KDM2B: variants seen among roughly 807,000 people sequenced by gnomAD.
KDM2B encodes the protein lysine demethylase 2B, also known as lysine-specific demethylase 2B.
In KDM2B, 26 loss-of-function variants were observed where a neutral mutation model predicts 150.0. The ratio of observed to expected loss-of-function variants is 0.17; its 90% CI spans 0.13 to 0.24. The LOEUF is 0.24. Ranked by LOEUF, KDM2B falls within the 10% of genes least tolerant of loss-of-function variation. The pLI is 1.00. For missense variants in KDM2B, 1,265 were observed against 1,816.9 expected (o/e 0.70, Z 5.52); for synonymous variants, 734 against 729.5 (o/e 1.01, Z -0.10).
the KDM2B span, chr12:121,409,914 G>A: frequency 6.6e-6 from 1 of 152,320 alleles, no homozygotes; most frequent in Non-Finnish European, 1.5e-5. Context: ...CCAGCACTTT[G>A]GGAAGCCGAG....
At chr12:121,445,011 C>T (rs1343953671) in intron 14 of KDM2B, 2 of 479,060 alleles carry the variant, frequency 4.2e-6, no homozygotes, top group Non-Finnish European at 7.5e-6. Flanking sequence ...CCTGTGTTTG[C>T]CATCTGCTGA....
In KDM2B at chr12:121,554,033, C is replaced by CCACACAAACA. The variant is rs1491387029; in HGVS notation, c.398-4396_398-4395insTGTTTGTGTG. The stretch of plus-strand genomic sequence containing the variant: ...TGGGTAATATAGTGACACCCCAGCT[C>CCACACAAACA]CACACACACACACACACACACACAC... On this transcript the variant is annotated intron_variant, in intron 4 of 22. Transcript: ENST00000377071. Among the ~76,000 whole-genome samples the CCACACAAACA allele has an allele frequency of 2.7e-4, 33 of 122,142 alleles. No homozygotes were observed. In the South Asian group the frequency reaches 5.3e-3, roughly 20 times the overall value. 80.1% of individuals were successfully genotyped at this position (122,142 alleles called of 152,430 possible). A position where few individuals can be genotyped will look rare whatever the true frequency, so the allele number is the denominator to read the frequency against.
At chr12:121,567,159 T>A (rs1395190937) in intron 4 of KDM2B, among the ~76,000 whole-genome samples, 1 of 152,180 alleles carries the variant, frequency 6.6e-6, no homozygotes, top group Admixed American at 6.5e-5. Flanking sequence ...AGTGCTGGGA[T>A]TACTGGCATG....
In KDM2B at chr12:121,429,605, T is replaced by C. The variant is rs1593691596; in HGVS notation, c.*683A>G. 1.1e-5 allele frequency: 2 copies of C among 188,484 alleles called. No homozygotes were observed. Among genetic ancestry groups the C allele is most frequent in the South Asian group, 1.5e-4 (1 of 6,892 alleles). 11.7% of individuals were successfully genotyped at this position (188,484 alleles called of 1,614,324 possible). On this transcript the variant is annotated 3_prime_UTR_variant, in exon 23 of 23. Transcript: ENST00000377071. ...AACTCTTGAGGTACAAAGCAGACTC[T>C]CAACTTCCAGTTAAACATGCTTTTA...
intron 11 of KDM2B, among the ~76,000 whole-genome samples, chr12:121,503,289 G>GTT (rs77145802): frequency 4.9e-5 from 7 of 142,242 alleles, no homozygotes; most frequent in Non-Finnish European, 4.7e-5. Flanking sequence ...GTGGTGTTTT[G>GTT]TTTTTTTTTT....
In KDM2B at chr12:121,510,428, C is replaced by A. The variant is rs115409572; in HGVS notation, c.1175-389G>T. On this transcript the variant is annotated intron_variant, in intron 10 of 22. Coordinates refer to ENST00000377071, the MANE Select transcript of KDM2B (RefSeq NM_032590.5). ...ACACTCAGCTAGTTTTTTTTTTAAG[C>A]TTTTTTTGTAGAGATGAGGTCTCGT... Among the ~76,000 whole-genome samples the A allele has an allele frequency of 7.0e-3, 1,060 of 152,108 alleles. 18 individuals carry two copies. Among genetic ancestry groups the A allele is most frequent in the African/African-American group, 0.024 (996 of 41,522 alleles).
rs1475098683 is a variant in KDM2B at position 121,579,728 on chromosome 12, C to T, written c.127-782G>A. The T allele has an allele frequency of 3.5e-6, 5 of 1,444,972 alleles. No homozygotes were observed. The African/African-American group carries it at 7.1e-5, about 20-fold the overall frequency. 89.5% of individuals were successfully genotyped at this position (1,444,972 alleles called of 1,614,324 possible). A position where few individuals can be genotyped will look rare whatever the true frequency, so the allele number is the denominator to read the frequency against. ...CTCCACCGCCCAGCGCCCGGCCCCT[C>T]AGCCCCCCAGATTCCGGGCGAACCC... On this transcript the variant is annotated intron_variant, in intron 1 of 22. Transcript: ENST00000377071.
rs1380853579 is a variant in KDM2B at position 121,521,132 on chromosome 12, C to T, written c.932-32G>A. ...TGGGAAGGGCAAGGAGAGGATGAGC[C>T]GCTGGCCCCTGTGGGCTCCCACACC... is the stretch of plus-strand genomic sequence containing the variant. On this transcript the variant is annotated intron_variant, in intron 8 of 22. Coordinates refer to ENST00000377071, the MANE Select transcript of KDM2B (RefSeq NM_032590.5). The surrounding 1 kb of genome is among the most constrained non-coding windows in gnomAD (Gnocchi z 4.9). 3.5e-5 allele frequency: 52 copies of T among 1,506,182 alleles called. No homozygotes were observed. The highest frequency in any genetic ancestry group is 4.2e-5 in the Non-Finnish European group (46 of 1,083,236). The allele number at this position is 1,506,182 out of a possible 1,614,324, so 93.3% of individuals were successfully genotyped here. A position where few individuals can be genotyped will look rare whatever the true frequency, so the allele number is the denominator to read the frequency against.
At chr12:121,416,224 T>G in the KDM2B span, 6 of 1,614,004 alleles carry the variant, frequency 3.7e-6, no homozygotes, top group African/African-American at 8.0e-5. Flanking sequence ...GAACTGGAGC[T>G]GTCAGGGGCC....
chr12:121,573,643 G>A (rs921496598), intron 4 of KDM2B, among the ~76,000 whole-genome samples: 1 of 149,458 alleles, frequency 6.7e-6, no homozygotes, highest in Non-Finnish European at 1.5e-5. Flanking sequence ...GGAGCGCAGT[G>A]GCGCCATCTC....
intron 11 of KDM2B, among the ~76,000 whole-genome samples, chr12:121,507,689 T>C (rs1885214176): frequency 6.6e-6 from 1 of 152,040 alleles, no homozygotes; most frequent in Non-Finnish European, 1.5e-5. Flanking sequence ...CAGAAATAGA[T>C]CACAGACACA....
At chr12:121,544,388 T>G (rs1555310288) in intron 6 of KDM2B, among the ~76,000 whole-genome samples, 1 of 152,054 alleles carries the variant, frequency 6.6e-6, no homozygotes, top group Non-Finnish European at 1.5e-5. Context: ...AGGCAGGTGA[T>G]CACCTGAGGT....
At position 121,429,942 on chromosome 12, in the gene KDM2B, T is replaced by C. The variant is rs978687290; in HGVS notation, c.*346A>G. ...AACCTCGGTGTTGCAAGGAATGAAG[T>C]GTCCAAAACACCACTACCACTAACA... is the stretch of plus-strand genomic sequence containing the variant. On this transcript the variant is annotated 3_prime_UTR_variant, in exon 23 of 23. Coordinates refer to ENST00000377071, the MANE Select transcript of KDM2B (RefSeq NM_032590.5). 1 of 646,502 alleles carries C rather than the reference T, an allele frequency of 1.5e-6. No individual in the cohort carries two copies. Among genetic ancestry groups the C allele is most frequent in the Non-Finnish European group, 2.8e-6 (1 of 359,482 alleles). 40.0% of individuals were successfully genotyped at this position (646,502 alleles called of 1,614,324 possible).
chr12:121,420,416 T>C, the KDM2B span: 1 of 1,551,538 alleles, frequency 6.4e-7, no homozygotes, highest in Non-Finnish European at 8.7e-7. Flanking sequence ...TTCGCTAGAT[T>C]AGTACAGGAT....
intron 4 of KDM2B, among the ~76,000 whole-genome samples, chr12:121,550,466 C>A (rs1889399944): frequency 6.6e-6 from 1 of 152,178 alleles, no homozygotes; most frequent in Non-Finnish European, 1.5e-5. Flanking sequence ...CCAAATCCAG[C>A]CTACGGCCTA....
At chr12:121,543,538 A>C (rs1555310066) in intron 6 of KDM2B, among the ~76,000 whole-genome samples, 1 of 151,868 alleles carries the variant, frequency 6.6e-6, no homozygotes, top group African/African-American at 2.4e-5. Flanking sequence ...AATTTTTAAA[A>C]AGATCAGCCG....
intron 8 of KDM2B, among the ~76,000 whole-genome samples, chr12:121,528,807 C>T (rs576844347): frequency 2.0e-5 from 3 of 152,070 alleles, no homozygotes; most frequent in East Asian, 3.9e-4. Context: ...GCTGGAGAAT[C>T]GCTTGAACTT....
In KDM2B at chr12:121,549,078, C is replaced by T. The variant is rs1378635592; in HGVS notation, c.577-95G>A. 5.3e-6 allele frequency: 5 copies of T among 949,328 alleles called. No individual in the cohort carries two copies. The highest frequency in any genetic ancestry group is 1.6e-5 in the African/African-American group (1 of 62,108). 58.8% of individuals were successfully genotyped at this position (949,328 alleles called of 1,614,324 possible). ...GGAGAGTCCTTGGGCCCCCCCGCTC[C>T]CCCAATCTACTGTGGGCTCAATAGT... On this transcript the variant is annotated intron_variant, in intron 5 of 22. Coordinates refer to ENST00000377071, the MANE Select transcript of KDM2B (RefSeq NM_032590.5). The surrounding 1 kb of genome is among the most constrained non-coding windows in gnomAD (Gnocchi z 4.4).
chr12:121,580,696 C>A, intron 1 of KDM2B, 90 bp downstream of exon 1: 1 of 1,484,684 alleles, frequency 6.7e-7, no homozygotes. Context: ...CCTGGCACCC[C>A]CAAAAACGAC....
Sources: gnomAD v4.1 joint callset for allele counts (sites outside exome capture counted in the v4.1 genomes callset) on GRCh38, gnomAD v4.1.1 for gene constraint, Gnocchi (gnomAD v3.1) non-coding constraint, MANE v1.5 for transcripts, NCBI Gene and HGNC (gene_info 2026-07-23, HGNC 2026-07-21) for gene names.